Variants in FARP2 observed in about 807,000 individuals in gnomAD.
FARP2 encodes FERM, ARHGEF and pleckstrin domain-containing protein 2.
Under a neutral mutation model 130.5 loss-of-function variants are expected in FARP2, and 111 were observed. The ratio of observed to expected loss-of-function variants is 0.85; its 90% CI spans 0.73 to 1.00. The LOEUF (loss-of-function observed/expected upper bound fraction) is 1.00. Among genes scored for constraint, FARP2 ranks in the 50% least tolerant of loss-of-function variants. The probability of loss-of-function intolerance (pLI) is 0.00; values close to 1 mark genes in which losing one functional copy is unlikely to be tolerated. For synonymous variants in FARP2, 504 were observed against 516.9 expected (o/e 0.98, Z 0.34); for missense variants, 1,385 against 1,346.3 (o/e 1.03, Z -0.45).
Position 241,438,547 on chromosome 2 carries a change from A to C in FARP2, c.1158+2009A>C, listed in dbSNP as rs148129423. ...ACCCCAGACTAGACAACAGGGTAAG[A>C]ATGTCTCAAAAAGTAAAGCTCATGG... On this transcript the variant is annotated intron_variant, in intron 12 of 26. Coordinates refer to ENST00000264042, the MANE Select transcript of FARP2 (RefSeq NM_014808.4). Among the ~76,000 whole-genome samples, 506 of 152,212 alleles carry C rather than the reference A, an allele frequency of 3.3e-3. 1 individual carries two copies. The highest frequency in any genetic ancestry group is 0.031 in the Middle Eastern group (9 of 294).
Position 241,494,614 on chromosome 2 carries a change from T to A in FARP2, c.*489T>A, listed in dbSNP as rs1311982223. On this transcript the variant is annotated 3_prime_UTR_variant, in exon 27 of 27. Coordinates refer to ENST00000264042, the MANE Select transcript of FARP2 (RefSeq NM_014808.4). This position sits in a 1 kb window ranked among gnomAD's most constrained non-coding sequence, Gnocchi z 4.9. ...CTGACCTTCCATCTGGTGAACCAAG[T>A]GGCAGCCCCAGGGGCCTGCCCTGCA... 6.6e-6 allele frequency: 1 copy of A among 152,298 alleles called. No homozygotes were observed. The highest frequency in any genetic ancestry group is 6.5e-5 in the Admixed American group (1 of 15,286). The allele number at this position is 152,298 out of a possible 1,614,324, so 9.4% of individuals were successfully genotyped here. A position where few individuals can be genotyped will look rare whatever the true frequency, so the allele number is the denominator to read the frequency against.
At chr2:241,456,491 C>T (rs560997970) in intron 13 of FARP2, 3 of 413,700 alleles carry the variant, frequency 7.3e-6, no homozygotes, top group Non-Finnish European at 8.6e-6. Flanking sequence ...TCCAGGCCCC[C>T]CTAGAGTCCG....
chr2:241,367,826 G>A (rs2061347840), intron 1 of FARP2, among the ~76,000 whole-genome samples: 1 of 151,808 alleles, frequency 6.6e-6, no homozygotes, highest in Non-Finnish European at 1.5e-5. Context: ...CCAAGTCTGG[G>A]CCCAAGTCCT....
intron 4 of FARP2, among the ~76,000 whole-genome samples, chr2:241,406,420 TAGAG>T (rs60655206): frequency 1.5e-4 from 22 of 150,896 alleles, no homozygotes; most frequent in South Asian, 6.3e-4. Context: ...TGTATATATA[TAGAG>T]AGAGAGAGAG....
chr2:241,484,197 C>T (rs773542358), intron 20 of FARP2, 45 bp from the exon 21 acceptor site: 35 of 1,612,706 alleles, frequency 2.2e-5, no homozygotes, highest in Admixed American at 1.7e-5. Flanking sequence ...ACTATTAAGA[C>T]ACTTGTTTGT....
At chr2:241,454,834 T>C (rs898724090) in intron 13 of FARP2, among the ~76,000 whole-genome samples, 1 of 152,260 alleles carries the variant, frequency 6.6e-6, no homozygotes, top group Non-Finnish European at 1.5e-5. Flanking sequence ...CAATGTATCT[T>C]GTGAAAAATT....
At chr2:241,421,691 G>A (rs754407878) in intron 8 of FARP2, among the ~76,000 whole-genome samples, 1 of 150,058 alleles carries the variant, frequency 6.7e-6, no homozygotes, top group Non-Finnish European at 1.5e-5. Context: ...GTGCATTTGG[G>A]CCAGCAACAA....
At chr2:241,411,848 C>T (rs2062527191) in intron 6 of FARP2, among the ~76,000 whole-genome samples, 1 of 152,188 alleles carries the variant, frequency 6.6e-6, no homozygotes, top group East Asian at 1.9e-4. Context: ...CTTCCCCAGA[C>T]ATACCTTCTT....
chr2:241,418,022 G>C lies in FARP2; in HGVS notation c.684G>C (p.Met228Ile). Residue 228 changes from methionine to isoleucine, a missense_variant, in exon 8 of 27, where the codon ATG becomes ATC. Coordinates refer to ENST00000264042, the MANE Select transcript of FARP2 (RefSeq NM_014808.4). ...TCGAAATTGCTCGAAAGTTGGAAAT[G>C]TACGGCATCAGATTTCACATGGCTT... ...QVLEIARKLEMYGIRFHMASD... is the reference protein window; with the variant it reads ...QVLEIARKLEIYGIRFHMASD... The C allele has an allele frequency of 1.9e-6, 3 of 1,614,188 alleles. No individual in the cohort carries two copies. Among genetic ancestry groups the C allele is most frequent in the South Asian group, 2.2e-5 (2 of 91,088 alleles).
chr2:241,422,791 A>G (rs189128287), intron 8 of FARP2, among the ~76,000 whole-genome samples: 1 of 152,362 alleles, frequency 6.6e-6, no homozygotes. Flanking sequence ...ATGTAGCTGA[A>G]AAACACAACA....
At chr2:241,436,431 G>T (rs763087814) in intron 11 of FARP2, 50 bp from the exon 12 acceptor site, 1 of 1,548,742 alleles carries the variant, frequency 6.5e-7, no homozygotes. Flanking sequence ...AAAAACAGGC[G>T]CTGAGAAGGG....
intron 13 of FARP2, among the ~76,000 whole-genome samples, chr2:241,450,682 G>T (rs1414836895): frequency 6.8e-6 from 1 of 147,168 alleles, no homozygotes; most frequent in Non-Finnish European, 1.5e-5. Context: ...AAAAAAGGCT[G>T]GGCATGGTGG....
At chr2:241,454,786 C>G (rs1051288860) in intron 13 of FARP2, among the ~76,000 whole-genome samples, 1 of 152,118 alleles carries the variant, frequency 6.6e-6, no homozygotes, top group East Asian at 1.9e-4. Flanking sequence ...GTGATGTTAC[C>G]TAGGTTTTCT....
chr2:241,479,262 A>G (rs1685354981), intron 19 of FARP2, among the ~76,000 whole-genome samples: 1 of 152,238 alleles, frequency 6.6e-6, no homozygotes, highest in African/African-American at 2.4e-5. Flanking sequence ...GCTCCCAGTC[A>G]GCCCACTCAA....
In FARP2 at chr2:241,492,910, A is replaced by AT. The variant is rs757919657; in HGVS notation, c.2788-14dup. 6.7e-7 allele frequency: 1 copy of AT among 1,495,242 alleles called. No individual in the cohort carries two copies. Among genetic ancestry groups the AT allele is most frequent in the South Asian group, 1.1e-5 (1 of 88,594 alleles). The allele number at this position is 1,495,242 out of a possible 1,614,324, so 92.6% of individuals were successfully genotyped here. A position where few individuals can be genotyped will look rare whatever the true frequency, so the allele number is the denominator to read the frequency against. On this transcript the variant is annotated intron_variant, in intron 24 of 26. Transcript: ENST00000264042. ...CCTGGGTGCTGGTTAATGCACCTGC[A>AT]TTTTTCCTTTATTGACAGAACCAGC...
intron 21 of FARP2, chr2:241,488,844 C>T (rs2064825541): frequency 6.6e-6 from 1 of 152,216 alleles, no homozygotes; most frequent in African/African-American, 2.4e-5. Flanking sequence ...CATTCTGCTC[C>T]ATTCCTGTCT....
At chr2:241,439,355 A>T (rs1367867908) in intron 12 of FARP2, among the ~76,000 whole-genome samples, 5 of 151,554 alleles carry the variant, frequency 3.3e-5, no homozygotes, top group Admixed American at 2.6e-4. Flanking sequence ...TTTGAGACAG[A>T]GTCTCGCTCT....
chr2:241,490,392 G>A (rs537080340), intron 22 of FARP2, among the ~76,000 whole-genome samples: 116 of 152,278 alleles, frequency 7.6e-4, no homozygotes, highest in Middle Eastern at 3.4e-3. Flanking sequence ...CAACCCTCAC[G>A]TCAAGAAGTG....
At position 241,489,982 on chromosome 2, in the gene FARP2, G is replaced by A. The variant is rs754503938; in HGVS notation, c.2442G>A (p.Glu814=). ...QGMLVEESDN[E]WSVPHCFTIY... is the part of the protein sequence containing the mutation. Reference sequence around the variant, plus strand: ...CACAGGTGGAAGAAAGTGATAACGAGTGGTCTGTTCCACACTGTTTCACCA... The same window carrying A: ...CACAGGTGGAAGAAAGTGATAACGAATGGTCTGTTCCACACTGTTTCACCA... Residue 814 remains glutamate, a synonymous_variant, in exon 22 of 27, where the codon GAG becomes GAA. Coordinates refer to ENST00000264042, the MANE Select transcript of FARP2 (RefSeq NM_014808.4). 3.7e-6 allele frequency: 6 copies of A among 1,613,656 alleles called. No homozygotes were observed. Among genetic ancestry groups the A allele is most frequent in the South Asian group, 1.1e-5 (1 of 91,016 alleles).
Sources: gnomAD v4.1 joint callset for allele counts (sites outside exome capture counted in the v4.1 genomes callset) on GRCh38, gnomAD v4.1.1 for gene constraint, Gnocchi (gnomAD v3.1) non-coding constraint, MANE v1.5 for transcripts, NCBI Gene and HGNC (gene_info 2026-07-23, HGNC 2026-07-21) for gene names.